Variants in COL22A1 observed in about 807,000 individuals in gnomAD.
COL22A1 encodes collagen type XXII alpha 1 chain.
Under a neutral mutation model 248.9 loss-of-function variants are expected in COL22A1, and 221 were observed. That is an observed-to-expected ratio of 0.89 (90% CI 0.80 to 0.99). COL22A1 has a LOEUF of 0.99. Ranked by LOEUF, COL22A1 falls within the 50% of genes least tolerant of loss-of-function variation. COL22A1 has a pLI of 0.00. For missense variants in COL22A1, 2,240 were observed against 2,179.0 expected (o/e 1.03, Z -0.56); for synonymous variants, 891 against 793.4 (o/e 1.12, Z -2.07).
chr8:138,767,209 C>T (rs1026311755), intron 16 of COL22A1, among the ~76,000 whole-genome samples: 6 of 152,132 alleles, frequency 3.9e-5, no homozygotes, highest in Admixed American at 6.6e-5. Flanking sequence ...GTGGAAGGTG[C>T]GCATTAACAG....
intron 54 of COL22A1, among the ~76,000 whole-genome samples, chr8:138,616,366 A>AC (rs971022266): frequency 1.3e-4 from 19 of 151,910 alleles, no homozygotes; most frequent in African/African-American, 4.1e-4. Context: ...CATCCACTTG[A>AC]CCCTCTCTAC....
intron 32 of COL22A1, among the ~76,000 whole-genome samples, chr8:138,698,541 G>A (rs560368758): frequency 2.8e-4 from 43 of 152,328 alleles, no homozygotes; most frequent in African/African-American, 1.0e-3. Context: ...CAGGTGAGAA[G>A]ACAGGGTGGC....
At chr8:138,853,574 C>G (rs1176417310) in intron 3 of COL22A1, among the ~76,000 whole-genome samples, 1 of 152,112 alleles carries the variant, frequency 6.6e-6, no homozygotes, top group Non-Finnish European at 1.5e-5. Context: ...GTTGGGGTGC[C>G]ATGAGAGAGC....
At chr8:138,906,799 C>T (rs758558975) in intron 1 of COL22A1, among the ~76,000 whole-genome samples, 23 of 151,966 alleles carry the variant, frequency 1.5e-4, no homozygotes, top group Non-Finnish European at 2.5e-4. Context: ...ATTACAGGCA[C>T]CCGCCACCAT....
At chr8:138,608,980 A>T (rs1009905570) in intron 56 of COL22A1, among the ~76,000 whole-genome samples, 3 of 152,208 alleles carry the variant, frequency 2.0e-5, no homozygotes, top group African/African-American at 7.2e-5. Flanking sequence ...TAATAAACCA[A>T]GGACATCCTA....
intron 46 of COL22A1, among the ~76,000 whole-genome samples, chr8:138,649,095 C>T (rs2130540379): frequency 6.6e-6 from 1 of 152,270 alleles, no homozygotes; most frequent in South Asian, 2.1e-4. Flanking sequence ...TCTATTTCCC[C>T]AGCACCCATG....
intron 35 of COL22A1, 59 bp downstream of exon 35, chr8:138,693,587 A>G: frequency 2.0e-6 from 3 of 1,513,966 alleles, no homozygotes; most frequent in Non-Finnish European, 2.7e-6. Context: ...CAGAGCAGAC[A>G]CTGGGCGGGG....
chr8:138,762,243 T>TCAACCTACAGCCACACAGCCGGGGTCTGG (rs1310596416), intron 17 of COL22A1, among the ~76,000 whole-genome samples, 170 bp downstream of exon 17: 21 of 152,082 alleles, frequency 1.4e-4, no homozygotes, highest in Admixed American at 5.2e-4. Flanking sequence ...GTTCGCAGAG[T>TCAACCTACAGCCACACAGCCGGGGTCTGG]CAACCTACAG....
intron 10 of COL22A1, among the ~76,000 whole-genome samples, chr8:138,806,067 T>TGTAATG (rs1239845766): frequency 1.9e-5 from 1 of 53,836 alleles, no homozygotes; most frequent in Non-Finnish European, 3.6e-5. Flanking sequence ...TGTGTGGTGG[T>TGTAATG]GTGTGTGATG....
chr8:138,862,924 G>T (rs1056679157), intron 3 of COL22A1, among the ~76,000 whole-genome samples: 2 of 152,076 alleles, frequency 1.3e-5, no homozygotes, highest in Non-Finnish European at 2.9e-5. Flanking sequence ...CACAGTCATA[G>T]GTGGGCTTGT....
chr8:138,911,960 G>T (rs548838043), intron 1 of COL22A1, among the ~76,000 whole-genome samples: 4 of 152,154 alleles, frequency 2.6e-5, no homozygotes, highest in African/African-American at 7.2e-5. Flanking sequence ...CCACAGTTGC[G>T]CAGTGCCTCA....
chr8:138,693,085 C>T (rs1164810504), intron 35 of COL22A1, among the ~76,000 whole-genome samples: 1 of 152,140 alleles, frequency 6.6e-6, no homozygotes, highest in Admixed American at 6.5e-5. Flanking sequence ...CTCTCTGGCT[C>T]CGCACCATGA....
At chr8:138,875,541 T>C (rs1234451602) in intron 3 of COL22A1, among the ~76,000 whole-genome samples, 1 of 152,198 alleles carries the variant, frequency 6.6e-6, no homozygotes, top group Non-Finnish European at 1.5e-5. Context: ...GAATTCATTG[T>C]TCCTGAGCTA....
rs1216183882 is a variant in COL22A1 at position 138,802,868 on chromosome 8, T to C, written c.1557+4A>G. On this transcript the variant is annotated splice_donor_region_variant and intron_variant, in intron 11 of 64. Transcript: ENST00000303045. ...GCCATGTAGAGGAGCAGCCATCTAC[T>C]CACCACATCACCTTTCTCTCCCTTA... 6.2e-7 allele frequency: 1 copy of C among 1,612,548 alleles called. No individual in the cohort carries two copies. The highest frequency in any genetic ancestry group is 1.7e-5 in the Admixed American group (1 of 60,018).
chr8:138,769,258 T>G (rs1834162232), intron 16 of COL22A1, among the ~76,000 whole-genome samples: 1 of 152,156 alleles, frequency 6.6e-6, no homozygotes, highest in African/African-American at 2.4e-5. Flanking sequence ...TGACGTGAAC[T>G]CAACAGTTCA....
At chr8:138,725,190 T>C (rs1346557116) in intron 24 of COL22A1, among the ~76,000 whole-genome samples, 197 bp downstream of exon 24, 1 of 152,238 alleles carries the variant, frequency 6.6e-6, no homozygotes, top group Non-Finnish European at 1.5e-5. Context: ...GCTCCAGTGA[T>C]ACTCTAACCT....
At chr8:138,697,527 A>G (rs1369717127) in intron 32 of COL22A1, among the ~76,000 whole-genome samples, 1 of 152,112 alleles carries the variant, frequency 6.6e-6, no homozygotes, top group Non-Finnish European at 1.5e-5. Flanking sequence ...TATGCACACC[A>G]TCAAACAGCC....
At chr8:138,865,664 T>G (rs114628995) in intron 3 of COL22A1, among the ~76,000 whole-genome samples, 11,097 of 151,488 alleles carry the variant, frequency 0.073, 471 homozygotes, top group African/African-American at 0.093. Context: ...AGTGTGTGTA[T>G]AGGTATGCCT....
intron 16 of COL22A1, among the ~76,000 whole-genome samples, chr8:138,775,251 A>G (rs1814316375): frequency 6.6e-6 from 1 of 152,178 alleles, no homozygotes; most frequent in East Asian, 1.9e-4. Context: ...ATTCAGCAGC[A>G]GCTATGGTTT....
Sources: gnomAD v4.1 joint callset for allele counts (sites outside exome capture counted in the v4.1 genomes callset) on GRCh38, gnomAD v4.1.1 for gene constraint, MANE v1.5 for transcripts, NCBI Gene and HGNC (gene_info 2026-07-23, HGNC 2026-07-21) for gene names.